Variants in UCK2 observed in about 807,000 individuals in gnomAD.
UCK2 encodes cytidine monophosphokinase 2.
UCK2 carries 6 observed loss-of-function variants against 30.8 expected under a neutral mutation model. That is an observed-to-expected ratio of 0.19 (90% CI 0.11 to 0.38). The LOEUF (loss-of-function observed/expected upper bound fraction) is 0.38, where lower values mean the gene tolerates loss of function less well. Among genes scored for constraint, UCK2 ranks in the 10% least tolerant of loss-of-function variants. The probability of loss-of-function intolerance (pLI) is 1.00; values close to 1 mark genes in which losing one functional copy is unlikely to be tolerated. For missense variants in UCK2, 210 were observed against 339.8 expected (o/e 0.62, Z 3.00); for synonymous variants, 125 against 133.6 (o/e 0.94, Z 0.45).
intron 1 of UCK2, among the ~76,000 whole-genome samples, chr1:165,838,269 G>A (rs938644914): frequency 1.3e-5 from 2 of 152,112 alleles, no homozygotes; most frequent in African/African-American, 2.4e-5. Flanking sequence ...GAGTGATCCC[G>A]TGAAAATGAA....
intron 4 of UCK2, among the ~76,000 whole-genome samples, chr1:165,899,900 G>A (rs1022471748): frequency 6.6e-6 from 1 of 152,194 alleles, no homozygotes; most frequent in Non-Finnish European, 1.5e-5. Context: ...GGTTCTTGGG[G>A]AGCAGAGGTG....
rs113179883 is a variant in UCK2 at position 165,863,978 on chromosome 1, CTTCTT to C, written c.100-26218_100-26214del. Among the ~76,000 whole-genome samples, 1,488 of 151,508 alleles carry C rather than the reference CTTCTT, an allele frequency of 9.8e-3. 24 individuals are homozygous for C. Among genetic ancestry groups the C allele is most frequent in the African/African-American group, 0.034 (1,419 of 41,300 alleles). ...AGTAGTTCCTGCCTTATTTTTTTTCCTTCTTTTCTTTTAAGACGGAGTTTTGCTCT... is the reference window on the plus strand; with the variant it reads ...AGTAGTTCCTGCCTTATTTTTTTTCCTTCTTTTAAGACGGAGTTTTGCTCT... On this transcript the variant is annotated intron_variant, in intron 1 of 6. Transcript: ENST00000367879.
chr1:165,873,574 C>T (rs949093303), intron 1 of UCK2, among the ~76,000 whole-genome samples: 6 of 152,064 alleles, frequency 3.9e-5, no homozygotes, highest in Admixed American at 2.6e-4. Context: ...TTTTTCACTT[C>T]TTGCAGTGTG....
intron 1 of UCK2, among the ~76,000 whole-genome samples, chr1:165,837,316 G>A (rs991484166): frequency 1.3e-5 from 2 of 152,178 alleles, no homozygotes; most frequent in Admixed American, 1.3e-4. Flanking sequence ...AACTAGCCTT[G>A]AGTATCCTGT....
At position 165,833,926 on chromosome 1, in the gene UCK2, A is replaced by G. The variant is rs2814465; in HGVS notation, c.99+5994A>G. On this transcript the variant is annotated intron_variant, in intron 1 of 6. Transcript: ENST00000367879. The stretch of plus-strand genomic sequence containing the variant: ...TCTTTTCATCATATATATAAAATAT[A>G]TAAGTATAACCCATATATAATTATG... Among the ~76,000 whole-genome samples the G allele has an allele frequency of 8.0e-3, 1,213 of 152,330 alleles. 21 individuals are homozygous for G. The highest frequency in any genetic ancestry group is 0.028 in the African/African-American group (1,163 of 41,574).
At position 165,827,698 on chromosome 1, in the gene UCK2, CGCAGGCGAGCGACAGCGGCCTCAG is replaced by C; in HGVS notation, c.-135_-112del. ...CCCCGTCACCGGGCTCCGAGCGGCT[CGCAGGCGAGCGACAGCGGCCTCAG>C]CCCCGGCAGCGCCCAGCGGCGGCTG... On this transcript the variant is annotated 5_prime_UTR_variant, in exon 1 of 7. Transcript: ENST00000367879. 3 of 733,316 alleles carry C rather than the reference CGCAGGCGAGCGACAGCGGCCTCAG, an allele frequency of 4.1e-6. No homozygotes were observed. The highest frequency in any genetic ancestry group is 5.7e-6 in the Non-Finnish European group (3 of 525,704). The allele number at this position is 733,316 out of a possible 1,614,324, so 45.4% of individuals were successfully genotyped here. A position where few individuals can be genotyped will look rare whatever the true frequency, so the allele number is the denominator to read the frequency against.
intron 1 of UCK2, among the ~76,000 whole-genome samples, chr1:165,838,603 G>A (rs1004653401): frequency 2.6e-5 from 4 of 152,078 alleles, no homozygotes; most frequent in African/African-American, 9.7e-5. Context: ...TGTTGCTGGG[G>A]GATGTGGATA....
chr1:165,865,353 T>C (rs1271148919), intron 1 of UCK2, among the ~76,000 whole-genome samples: 1 of 152,186 alleles, frequency 6.6e-6, no homozygotes, highest in African/African-American at 2.4e-5. Context: ...CTGTGAGTAG[T>C]TTCCCAGATG....
intron 1 of UCK2, among the ~76,000 whole-genome samples, chr1:165,855,683 G>A (rs757648237): frequency 6.6e-6 from 1 of 151,960 alleles, no homozygotes; most frequent in Non-Finnish European, 1.5e-5. Context: ...GCTGGAAGTC[G>A]CTGTGTCTGA....
intron 4 of UCK2, among the ~76,000 whole-genome samples, 167 bp downstream of exon 4, chr1:165,896,499 A>C (rs1647264819): frequency 6.6e-6 from 1 of 152,208 alleles, no homozygotes; most frequent in Non-Finnish European, 1.5e-5. Flanking sequence ...GCCCCAGGAT[A>C]TCCTGCTGCC....
chr1:165,851,364 C>T (rs1654591860), intron 1 of UCK2, among the ~76,000 whole-genome samples: 1 of 152,198 alleles, frequency 6.6e-6, no homozygotes, highest in African/African-American at 2.4e-5. Flanking sequence ...TGGAAGCCCT[C>T]ATTTTGTGCC....
At chr1:165,872,725 G>C (rs1350740486) in intron 1 of UCK2, among the ~76,000 whole-genome samples, 1 of 152,218 alleles carries the variant, frequency 6.6e-6, no homozygotes, top group African/African-American at 2.4e-5. Flanking sequence ...AGTCTTAAAA[G>C]TATTGACAGT....
chr1:165,880,878 GAT>G (rs1219388091), intron 1 of UCK2, among the ~76,000 whole-genome samples: 1 of 151,676 alleles, frequency 6.6e-6, no homozygotes, highest in East Asian at 1.9e-4. Context: ...TTTTGTTTAA[GAT>G]GATGTAGCAG....
At chr1:165,880,260 C>T (rs576661189) in intron 1 of UCK2, among the ~76,000 whole-genome samples, 1 of 152,296 alleles carries the variant, frequency 6.6e-6, no homozygotes, top group East Asian at 1.9e-4. Flanking sequence ...TTCTTTCTTT[C>T]AGTCCATAAT....
intron 1 of UCK2, among the ~76,000 whole-genome samples, chr1:165,889,111 G>A (rs564911063): frequency 6.6e-6 from 1 of 152,224 alleles, no homozygotes; most frequent in Non-Finnish European, 1.5e-5. Context: ...ACTCTTGTTT[G>A]GGATACTCCT....
intron 1 of UCK2, among the ~76,000 whole-genome samples, chr1:165,861,653 A>AC (rs1557838618): frequency 4.4e-5 from 5 of 114,464 alleles, no homozygotes; most frequent in South Asian, 3.1e-4. Flanking sequence ...AAAAAAACAA[A>AC]AAAAAACAAC....
At chr1:165,862,584 C>T (rs370469966) in intron 1 of UCK2, among the ~76,000 whole-genome samples, 5 of 152,286 alleles carry the variant, frequency 3.3e-5, no homozygotes, top group South Asian at 2.1e-4. Context: ...GTGAATGGCC[C>T]GTTGCAGGCT....
chr1:165,853,446 TA>T (rs1451151516), intron 1 of UCK2, among the ~76,000 whole-genome samples: 2 of 152,132 alleles, frequency 1.3e-5, no homozygotes, highest in African/African-American at 4.8e-5. Context: ...GGCCAAGTAT[TA>T]ATGTCTTTCT....
chr1:165,846,446 T>TAAACAAAACA (rs144790251), intron 1 of UCK2, among the ~76,000 whole-genome samples: 20 of 152,036 alleles, frequency 1.3e-4, no homozygotes, highest in African/African-American at 3.9e-4. Flanking sequence ...CCCTTTTTTT[T>TAAACAAAACA]AAACAAAACA....
Sources: gnomAD v4.1 joint callset for allele counts (sites outside exome capture counted in the v4.1 genomes callset) on GRCh38, gnomAD v4.1.1 for gene constraint, MANE v1.5 for transcripts, NCBI Gene and HGNC (gene_info 2026-07-23, HGNC 2026-07-21) for gene names.